The following ARHGEF18 variants were observed in gnomAD, a reference collection of about 807,000 sequenced individuals.
ARHGEF18 encodes the protein rho guanine nucleotide exchange factor 18.
ARHGEF18 carries 93 observed loss-of-function variants against 155.7 expected under a neutral mutation model. That is an observed-to-expected ratio of 0.60 (90% CI 0.50 to 0.71). ARHGEF18 has a LOEUF of 0.71. Among genes scored for constraint, ARHGEF18 ranks in the 30% least tolerant of loss-of-function variants. ARHGEF18 has a pLI of 0.00. For synonymous variants in ARHGEF18, 742 were observed against 753.1 expected (o/e 0.99, Z 0.24); for missense variants, 1,593 against 1,816.1 (o/e 0.88, Z 2.23).
At chr19:7,477,760 C>T in the ARHGEF18 span, among the ~76,000 whole-genome samples, 1 of 152,204 alleles carries the variant, frequency 6.6e-6, no homozygotes, top group East Asian at 1.9e-4. Flanking sequence ...AAGGGGGAAC[C>T]CCCAGGAGCG....
intron 20 of ARHGEF18, 102 bp downstream of exon 20, chr19:7,460,096 TG>T: frequency 8.8e-7 from 1 of 1,138,126 alleles, no homozygotes; most frequent in Middle Eastern, 2.5e-4. Flanking sequence ...GGTGACCCGG[TG>T]TTTTCCCGTG....
Position 7,462,363 on chromosome 19 carries a change from G to T in ARHGEF18, c.2635+29G>T, listed in dbSNP as rs1244375941. ...AGTTGGCTGCCCACACCTCAAGGGT[G>T]CAGTCTTGCCGGGGTGGGCTCCTCA... is the stretch of plus-strand genomic sequence containing the variant. On this transcript the variant is annotated intron_variant, in intron 21 of 28. Transcript: ENST00000668164. The surrounding 1 kb of genome is among the most constrained non-coding windows in gnomAD (Gnocchi z 4.4). 1.3e-6 allele frequency: 2 copies of T among 1,549,202 alleles called. No homozygotes were observed. Among genetic ancestry groups the T allele is most frequent in the African/African-American group, 2.7e-5 (2 of 72,872 alleles).
chr19:7,436,194 CTTCTTTTTTT>C (rs1335171169), intron 10 of ARHGEF18, among the ~76,000 whole-genome samples: 5 of 134,326 alleles, frequency 3.7e-5, no homozygotes, highest in African/African-American at 1.3e-4. Flanking sequence ...ATCAGCATTT[CTTCTTTTTTT>C]TTTTTTTTTT....
At chr19:7,386,948 G>A (rs962414821) in intron 10 of ARHGEF18, among the ~76,000 whole-genome samples, 4 of 152,170 alleles carry the variant, frequency 2.6e-5, no homozygotes, top group African/African-American at 4.8e-5. Context: ...GCGGGACAGC[G>A]TCCAGCACCT....
At chr19:7,364,365 A>AAAGAAAGGAAGG (rs1555698633) in intron 2 of ARHGEF18, among the ~76,000 whole-genome samples, 3 of 112,838 alleles carry the variant, frequency 2.7e-5, no homozygotes, top group African/African-American at 1.0e-4. Flanking sequence ...GGAGGGAAGG[A>AAAGAAAGGAAGG]AAGGAAGGAA....
intron 10 of ARHGEF18, among the ~76,000 whole-genome samples, chr19:7,424,614 C>T (rs1345117462): frequency 1.3e-5 from 2 of 152,140 alleles, no homozygotes; most frequent in Non-Finnish European, 2.9e-5. Flanking sequence ...GATGGGGGCA[C>T]AGAGACATTT....
Position 7,395,065 on chromosome 19 carries a change from A to C in ARHGEF18, c.967+11862A>C. ...TCGAGGGCACGCCTCCTTCCGGGTC[A>C]CGCCCTCTGCCCCGCCTCCGAGGCG... is the stretch of plus-strand genomic sequence containing the variant. On this transcript the variant is annotated intron_variant, in intron 10 of 28. Transcript: ENST00000668164. The surrounding 1 kb of genome is among the most constrained non-coding windows in gnomAD (Gnocchi z 5.0). The C allele has an allele frequency of 2.0e-6, 2 of 985,354 alleles. No individual in the cohort carries two copies. The highest frequency in any genetic ancestry group is 2.4e-6 in the Non-Finnish European group (2 of 829,928). 61.0% of individuals were successfully genotyped at this position (985,354 alleles called of 1,614,324 possible).
chr19:7,479,620 C>T, the ARHGEF18 span, among the ~76,000 whole-genome samples: 1 of 152,370 alleles, frequency 6.6e-6, no homozygotes, highest in East Asian at 1.9e-4. Context: ...TCTCCACCCA[C>T]TCCCCCTGCT....
In ARHGEF18 at chr19:7,441,972, A is replaced by C; in HGVS notation, c.1280A>C (p.Glu427Ala). 1.9e-6 allele frequency: 3 copies of C among 1,614,128 alleles called. No individual in the cohort carries two copies. Among genetic ancestry groups the C allele is most frequent in the South Asian group, 1.1e-5 (1 of 91,082 alleles). Reference protein sequence around the residue: ...IESDGHEFEAESWSLAVDAAY... With the variant: ...IESDGHEFEAASWSLAVDAAY... ...TCAGACGGCCACGAGTTTGAAGCTG[A>C]GTCCTGGAGCCTCGCCGTGGATGCA... Residue 427 changes from glutamate (E) to alanine (A), a missense_variant, in exon 13 of 29, where the codon GAG becomes GCG. Glu to Ala is a moderately radical substitution (Grantham distance 107). Transcript: ENST00000668164.
intron 10 of ARHGEF18, among the ~76,000 whole-genome samples, chr19:7,436,778 A>G (rs535534160): frequency 3.3e-4 from 51 of 152,300 alleles, no homozygotes; most frequent in Admixed American, 1.3e-3. Flanking sequence ...AGTGTTGTAC[A>G]GAAATGGCAA....
At chr19:7,473,570 G>C (rs546318110), downstream of ARHGEF18, among the ~76,000 whole-genome samples, 1 of 152,206 alleles carries the variant, frequency 6.6e-6, no homozygotes, top group South Asian at 2.1e-4. Flanking sequence ...CCAGCACTTT[G>C]GGAAGCCAAG....
chr19:7,406,532 A>G (rs1387712193), intron 10 of ARHGEF18, among the ~76,000 whole-genome samples: 1 of 152,224 alleles, frequency 6.6e-6, no homozygotes, highest in African/African-American at 2.4e-5. Context: ...CCCTGCATTC[A>G]GATACCACCT....
rs948008532 is a variant in ARHGEF18, at chr19:7,397,119, T to A, written c.967+13916T>A. On this transcript the variant is annotated intron_variant, in intron 10 of 28. Coordinates refer to ENST00000668164, the MANE Select transcript of ARHGEF18 (RefSeq NM_001367823.1). ...TGCGAAAAAAAAAAAAAAAAAAAAATGAAGATGTGTTTGTTCTAGAGCAAA... is the reference window on the plus strand; with the variant it reads ...TGCGAAAAAAAAAAAAAAAAAAAAAAGAAGATGTGTTTGTTCTAGAGCAAA... Among the ~76,000 whole-genome samples, 240 of 126,766 alleles carry A rather than the reference T, an allele frequency of 1.9e-3. 1 individual carries two copies. Among genetic ancestry groups the A allele is most frequent in the Non-Finnish European group, 2.2e-3 (130 of 59,832 alleles). The allele number at this position is 126,766 out of a possible 152,430, so 83.2% of individuals were successfully genotyped here.
the ARHGEF18 span, chr19:7,478,193 C>CT: frequency 4.8e-6 from 5 of 1,048,524 alleles, no homozygotes; most frequent in South Asian, 7.5e-5. Context: ...GCTGTGATGA[C>CT]TCCCCCATGA....
At position 7,467,520 on chromosome 19, in the gene ARHGEF18, CG is replaced by C. The variant is rs1402238268; in HGVS notation, c.3319del (p.Ala1107ProfsTer74). 1 of 1,434,190 alleles carries C rather than the reference CG, an allele frequency of 7.0e-7. No homozygotes were observed. The highest frequency in any genetic ancestry group is 1.5e-5 in the African/African-American group (1 of 66,284). 88.8% of individuals were successfully genotyped at this position (1,434,190 alleles called of 1,614,324 possible). ...RQLRERLEQE[R>X]AELERQRQAY... ...GCTACGCGAGCGGCTGGAGCAGGAG[CG>C]GGCCGAGCTGGAGCGCCAGCGCCAG... is the stretch of plus-strand genomic sequence containing the variant. On this transcript the variant is annotated frameshift_variant, in exon 26 of 29. Coordinates refer to ENST00000668164, the MANE Select transcript of ARHGEF18 (RefSeq NM_001367823.1). LOFTEE classifies it high-confidence loss of function.
the ARHGEF18 span, among the ~76,000 whole-genome samples, chr19:7,479,498 A>G: frequency 7.2e-5 from 11 of 152,086 alleles, no homozygotes; most frequent in Non-Finnish European, 1.6e-4. Context: ...AAAGAATCAG[A>G]AGCCCTGGGC....
At position 7,379,077 on chromosome 19, in the gene ARHGEF18, C is replaced by A. The variant is rs149648943; in HGVS notation, c.600-45C>A. ...TTATCTAGGGGAGAGTGTCTGTAAC[C>A]TGGAGCTACCATGGGCTGTTCTAAT... On this transcript the variant is annotated intron_variant, in intron 6 of 28. Coordinates refer to ENST00000668164, the MANE Select transcript of ARHGEF18 (RefSeq NM_001367823.1). 260 of 1,231,070 alleles carry A rather than the reference C, an allele frequency of 2.1e-4. 3 individuals carry two copies. In the African/African-American group the frequency reaches 3.5e-3, roughly 17 times the overall value. 76.3% of individuals were successfully genotyped at this position (1,231,070 alleles called of 1,614,324 possible).
intron 10 of ARHGEF18, among the ~76,000 whole-genome samples, chr19:7,418,827 A>G (rs1340880954): frequency 2.0e-5 from 3 of 151,936 alleles, no homozygotes; most frequent in African/African-American, 7.3e-5. Context: ...GCACTCATTG[A>G]CGGCTCTTTT....
chr19:7,366,213 C>T (rs566871805), intron 2 of ARHGEF18, among the ~76,000 whole-genome samples: 33 of 152,328 alleles, frequency 2.2e-4, no homozygotes, highest in African/African-American at 6.0e-4. Context: ...TCCTGAAGTG[C>T]TGGGATTACA....
Sources: gnomAD v4.1 joint callset for allele counts (sites outside exome capture counted in the v4.1 genomes callset) on GRCh38, gnomAD v4.1.1 for gene constraint, Gnocchi (gnomAD v3.1) non-coding constraint, MANE v1.5 for transcripts, NCBI Gene and HGNC (gene_info 2026-07-23, HGNC 2026-07-21) for gene names.